Variants in DPP10 observed in about 807,000 individuals in gnomAD.
DPP10 encodes dipeptidyl peptidase like 10.
In DPP10, 33 loss-of-function variants were observed where a neutral mutation model predicts 120.9. That is an observed-to-expected ratio of 0.27 (90% CI 0.21 to 0.37). The LOEUF (loss-of-function observed/expected upper bound fraction) is 0.37, where lower values mean the gene tolerates loss of function less well. Ranked by LOEUF, DPP10 falls within the 10% of genes least tolerant of loss-of-function variation. The pLI, the probability that DPP10 is intolerant of heterozygous loss-of-function variation, is 1.00. For missense variants in DPP10, 816 were observed against 942.8 expected, an observed-to-expected ratio of 0.87 and a Z score of 1.76; for synonymous variants, 337 against 326.1, an observed-to-expected ratio of 1.03 and a Z score of -0.36.
chr2:115,270,727 C>T (rs975463556), intron 1 of DPP10, among the ~76,000 whole-genome samples: 2 of 152,154 alleles, frequency 1.3e-5, no homozygotes, highest in African/African-American at 4.8e-5. Flanking sequence ...ATTTATGACA[C>T]ACATGCTCAT....
At chr2:114,650,124 T>C (rs1696466812) in intron 1 of DPP10, among the ~76,000 whole-genome samples, 1 of 152,236 alleles carries the variant, frequency 6.6e-6, no homozygotes, top group South Asian at 2.1e-4. Flanking sequence ...AGTCAGTCTC[T>C]GTATTCCAGT....
At chr2:115,670,019 G>A (rs79306542) in intron 5 of DPP10, among the ~76,000 whole-genome samples, 1 of 152,192 alleles carries the variant, frequency 6.6e-6, no homozygotes, top group East Asian at 1.9e-4. Flanking sequence ...CTGCAGGCTG[G>A]GAAGTCTGAG....
At chr2:115,495,199 T>A (rs1239191893) in intron 3 of DPP10, among the ~76,000 whole-genome samples, 1 of 151,956 alleles carries the variant, frequency 6.6e-6, no homozygotes, top group African/African-American at 2.4e-5. Context: ...AAGACTGAAC[T>A]TTCAATGTGA....
chr2:115,061,705 G>A (rs529414714), intron 1 of DPP10, among the ~76,000 whole-genome samples: 7 of 152,202 alleles, frequency 4.6e-5, no homozygotes, highest in Non-Finnish European at 8.8e-5. Context: ...TATGTAAATT[G>A]ATTCATTTAC....
At chr2:115,087,353 C>T (rs1044756969) in intron 1 of DPP10, among the ~76,000 whole-genome samples, 10 of 152,030 alleles carry the variant, frequency 6.6e-5, no homozygotes, top group Non-Finnish European at 1.0e-4. Context: ...AAAAAACTGA[C>T]TAAATCAATT....
chr2:114,679,172 C>T (rs1573950871), intron 1 of DPP10, among the ~76,000 whole-genome samples: 1 of 152,100 alleles, frequency 6.6e-6, no homozygotes, highest in East Asian at 1.9e-4. Flanking sequence ...TACTAGTGAA[C>T]ACCTCAAACA....
chr2:115,054,380 C>G (rs750421142), intron 1 of DPP10, among the ~76,000 whole-genome samples: 2 of 152,078 alleles, frequency 1.3e-5, no homozygotes, highest in Non-Finnish European at 2.9e-5. Context: ...AAGCATATAT[C>G]TGTTAATCTA....
At chr2:115,013,367 G>A (rs942154241) in intron 1 of DPP10, among the ~76,000 whole-genome samples, 1 of 152,106 alleles carries the variant, frequency 6.6e-6, no homozygotes, top group South Asian at 2.1e-4. Context: ...GATATCCACT[G>A]TAGTCTGATG....
At chr2:115,385,035 G>C (rs1398234337) in intron 3 of DPP10, among the ~76,000 whole-genome samples, 4 of 152,156 alleles carry the variant, frequency 2.6e-5, no homozygotes, top group African/African-American at 9.7e-5. Flanking sequence ...CACCATGTAA[G>C]AAGTGCCTTT....
At chr2:115,198,314 C>T (rs899521307) in intron 1 of DPP10, among the ~76,000 whole-genome samples, 1 of 152,106 alleles carries the variant, frequency 6.6e-6, no homozygotes, top group Non-Finnish European at 1.5e-5. Flanking sequence ...TCTCAAACAC[C>T]CTCTTACTAA....
intron 1 of DPP10, among the ~76,000 whole-genome samples, chr2:115,273,018 G>C (rs1380615209): frequency 6.7e-6 from 1 of 149,726 alleles, no homozygotes; most frequent in Non-Finnish European, 1.5e-5. Context: ...ACAACTTTCA[G>C]GAAAAACTTT....
intron 7 of DPP10, among the ~76,000 whole-genome samples, chr2:115,704,296 C>G (rs1273481461): frequency 6.6e-6 from 1 of 151,750 alleles, no homozygotes; most frequent in East Asian, 1.9e-4. Context: ...CTCTTCTTCT[C>G]TGATAATTTT....
chr2:115,203,129 A>G (rs561673174), intron 1 of DPP10, among the ~76,000 whole-genome samples: 7 of 152,180 alleles, frequency 4.6e-5, no homozygotes, highest in Non-Finnish European at 1.0e-4. Context: ...AAGGTGGGGA[A>G]TAAGACCTGC....
At chr2:114,960,141 A>C (rs893210614) in intron 1 of DPP10, among the ~76,000 whole-genome samples, 1 of 152,196 alleles carries the variant, frequency 6.6e-6, no homozygotes, top group Non-Finnish European at 1.5e-5. Flanking sequence ...TTAAAAATAC[A>C]TAATTTCATC....
intron 3 of DPP10, among the ~76,000 whole-genome samples, chr2:115,363,736 T>G (rs1182792378): frequency 6.6e-6 from 1 of 152,222 alleles, no homozygotes; most frequent in Non-Finnish European, 1.5e-5. Flanking sequence ...ATAAAATTTA[T>G]TTTTCATTTC....
intron 1 of DPP10, among the ~76,000 whole-genome samples, chr2:114,850,865 G>T (rs1413217980): frequency 4.0e-5 from 6 of 151,670 alleles, no homozygotes; most frequent in Admixed American, 2.6e-4. Flanking sequence ...TTTCCTGCAT[G>T]GTACCCAACA....
At position 115,377,185 on chromosome 2, in the gene DPP10, G is replaced by A. The variant is rs36137643; in HGVS notation, c.271+33273G>A. Among the ~76,000 whole-genome samples the A allele has an allele frequency of 9.9e-5, 15 of 151,822 alleles. No homozygotes were observed. The South Asian group carries it at 2.3e-3, about 23-fold the overall frequency. ...TCCCACCAACAGTGTAAAAGTGTTC[G>A]TATTTCTCCACATCCTCTCCAGCAC... On this transcript the variant is annotated intron_variant, in intron 3 of 25. Coordinates refer to ENST00000410059, the MANE Select transcript of DPP10 (RefSeq NM_020868.6).
chr2:115,329,545 T>G (rs909612055), intron 2 of DPP10, among the ~76,000 whole-genome samples: 8 of 152,100 alleles, frequency 5.3e-5, no homozygotes, highest in African/African-American at 1.9e-4. Context: ...CATTAACTCA[T>G]CATTTACATT....
chr2:115,654,135 G>C (rs2088065006), intron 5 of DPP10, among the ~76,000 whole-genome samples: 1 of 151,656 alleles, frequency 6.6e-6, no homozygotes, highest in Non-Finnish European at 1.5e-5. Context: ...ATCTAGGAAT[G>C]AGTTTCATCC....
Sources: gnomAD v4.1 joint callset for allele counts (sites outside exome capture counted in the v4.1 genomes callset) on GRCh38, gnomAD v4.1.1 for gene constraint, MANE v1.5 for transcripts, NCBI Gene and HGNC (gene_info 2026-07-23, HGNC 2026-07-21) for gene names.